Variants in MRPS35 observed in about 807,000 individuals in gnomAD.
The protein encoded by MRPS35 is small ribosomal subunit protein mS35.
MRPS35 carries 29 observed loss-of-function variants against 32.7 expected under a neutral mutation model. That is an observed-to-expected ratio of 0.89 (90% CI 0.66 to 1.21). The LOEUF is 1.21. Among genes scored for constraint, MRPS35 ranks in the 50% most tolerant of loss-of-function variants. The pLI is 0.00. For missense variants in MRPS35, 373 were observed against 383.8 expected (o/e 0.97, Z 0.23); for synonymous variants, 148 against 139.3 (o/e 1.06, Z -0.44).
At chr12:27,749,142 T>C (rs1172468508) in intron 7 of MRPS35, among the ~76,000 whole-genome samples, 1 of 152,192 alleles carries the variant, frequency 6.6e-6, no homozygotes, top group Admixed American at 6.5e-5. Flanking sequence ...TGGATGATTT[T>C]TTTTTTCTTC....
At chr12:27,754,306 C>CTG (rs2062017756) in intron 7 of MRPS35, among the ~76,000 whole-genome samples, 1 of 151,884 alleles carries the variant, frequency 6.6e-6, no homozygotes, top group Non-Finnish European at 1.5e-5. Context: ...TGACTAAAAA[C>CTG]CACGTATTAT....
At chr12:27,733,574 C>T (rs1463196072) in intron 5 of MRPS35, among the ~76,000 whole-genome samples, 1 of 152,280 alleles carries the variant, frequency 6.6e-6, no homozygotes, top group African/African-American at 2.4e-5. Flanking sequence ...ATTTTTCTCT[C>T]CCTGTTCCCT....
At chr12:27,740,003 C>T (rs1301816782) in intron 7 of MRPS35, among the ~76,000 whole-genome samples, 4 of 152,112 alleles carry the variant, frequency 2.6e-5, no homozygotes, top group Non-Finnish European at 4.4e-5. Context: ...TCTATATTAC[C>T]GTTGTTTCTT....
chr12:27,714,673 C>T, intron 1 of MRPS35, 107 bp from the exon 2 acceptor site: 3 of 628,072 alleles, frequency 4.8e-6, no homozygotes, highest in Non-Finnish European at 5.1e-6. Context: ...TGTTATGTTA[C>T]TAAATACCTT....
At chr12:27,717,574 G>A (rs1193749840) in intron 3 of MRPS35, among the ~76,000 whole-genome samples, 1 of 152,210 alleles carries the variant, frequency 6.6e-6, no homozygotes, top group Non-Finnish European at 1.5e-5. Context: ...AAAAGGTGAT[G>A]AGAACAGGGA....
rs762107332 is a variant in MRPS35 at position 27,716,300 on chromosome 12, C to G, written c.163C>G (p.Pro55Ala). ...ERPPRRKALP[P>A]RTEKMAVDQD... ...ATTTTATATTTCTTAGGCACTACCTCCTAGGACAGAGAAAATGGCTGTTGA... is the reference window on the plus strand; with the variant it reads ...ATTTTATATTTCTTAGGCACTACCTGCTAGGACAGAGAAAATGGCTGTTGA... The change falls in exon 3 of 8, where the codon CCT (proline) becomes GCT (alanine). Residue 55 changes from proline to alanine, a missense_variant. Coordinates refer to ENST00000081029, the MANE Select transcript of MRPS35 (RefSeq NM_021821.4). 1.9e-5 allele frequency: 30 copies of G among 1,608,926 alleles called. No homozygotes were observed. The highest frequency in any genetic ancestry group is 2.3e-5 in the Non-Finnish European group (27 of 1,178,302).
At chr12:27,740,286 G>A (rs1232753720) in intron 7 of MRPS35, among the ~76,000 whole-genome samples, 3 of 140,834 alleles carry the variant, frequency 2.1e-5, no homozygotes, top group Non-Finnish European at 4.6e-5. Flanking sequence ...TTTTTTCTTC[G>A]AGTCAGGGTC....
chr12:27,737,648 T>C, intron 7 of MRPS35, 40 bp downstream of exon 7: 1 of 1,492,812 alleles, frequency 6.7e-7, no homozygotes, highest in African/African-American at 1.4e-5. Flanking sequence ...GTCATTGTAA[T>C]TTAGATGATG....
intron 5 of MRPS35, among the ~76,000 whole-genome samples, chr12:27,729,765 T>G (rs1204340221): frequency 6.6e-6 from 1 of 152,128 alleles, no homozygotes; most frequent in Non-Finnish European, 1.5e-5. Flanking sequence ...TTAGGGTCAT[T>G]TGTCCGGATG....
rs188784753 is a variant in MRPS35, at chr12:27,747,914, A to G, written c.703-7267A>G. On this transcript the variant is annotated intron_variant, in intron 7 of 7. Coordinates refer to ENST00000081029, the MANE Select transcript of MRPS35 (RefSeq NM_021821.4). Reference sequence around the variant, plus strand: ...AGAACATGTTGTTCTAACACTAACGAGCAGTGTGGTTTTGGGCAAATTATT... The same window carrying G: ...AGAACATGTTGTTCTAACACTAACGGGCAGTGTGGTTTTGGGCAAATTATT... 2.4e-3 allele frequency among the ~76,000 whole-genome samples: 358 copies of G among 152,284 alleles called. 1 individual carries two copies. The highest frequency in any genetic ancestry group is 7.8e-3 in the African/African-American group (324 of 41,562).
chr12:27,735,386 C>CT (rs2061939182), intron 5 of MRPS35, 61 bp from the exon 6 acceptor site: 6 of 1,293,282 alleles, frequency 4.6e-6, no homozygotes, highest in Middle Eastern at 2.6e-4. Context: ...ACATTGCTAC[C>CT]TTTTTTTCAC....
intron 4 of MRPS35, among the ~76,000 whole-genome samples, chr12:27,720,786 CAT>C (rs1437807219): frequency 1.3e-5 from 2 of 149,082 alleles, no homozygotes; most frequent in African/African-American, 2.6e-5. Flanking sequence ...TAGGTATAAA[CAT>C]AGATTTCATG....
chr12:27,749,049 C>T lies in MRPS35; in HGVS notation c.703-6132C>T, dbSNP rs555090247. On this transcript the variant is annotated intron_variant, in intron 7 of 7. Coordinates refer to ENST00000081029, the MANE Select transcript of MRPS35 (RefSeq NM_021821.4). ...CACAAAATTGTAAATAAAATGTAAT[C>T]ATAGCAGGGTTTTAAAAAACGGATT... Among the ~76,000 whole-genome samples, 96 of 152,252 alleles carry T rather than the reference C, an allele frequency of 6.3e-4. No individual in the cohort carries two copies. The Middle Eastern group carries it at 0.01, about 16-fold the overall frequency.
intron 5 of MRPS35, among the ~76,000 whole-genome samples, chr12:27,732,035 A>G (rs2061924085): frequency 6.6e-6 from 1 of 152,230 alleles, no homozygotes; most frequent in Non-Finnish European, 1.5e-5. Flanking sequence ...ATAAAAGAAA[A>G]AAAAGAATTG....
At chr12:27,716,534 C>G (rs750298660) in intron 3 of MRPS35, 76 bp downstream of exon 3, 4 of 1,471,216 alleles carry the variant, frequency 2.7e-6, no homozygotes, top group Non-Finnish European at 3.8e-6. Flanking sequence ...TTTCTGCTCT[C>G]TTATGCTTCA....
intron 7 of MRPS35, among the ~76,000 whole-genome samples, chr12:27,754,878 T>C (rs1008269598): frequency 3.3e-5 from 5 of 152,070 alleles, no homozygotes; most frequent in Admixed American, 2.6e-4. Context: ...TAAGTACAGA[T>C]TGTAAGGCAG....
chr12:27,713,124 AT>A (rs2140750307), intron 1 of MRPS35, among the ~76,000 whole-genome samples: 1 of 152,320 alleles, frequency 6.6e-6, no homozygotes, highest in African/African-American at 2.4e-5. Context: ...AATTTCAGCC[AT>A]ATTGAATTTG....
intron 2 of MRPS35, among the ~76,000 whole-genome samples, chr12:27,715,914 C>A (rs1309486548): frequency 6.6e-6 from 1 of 152,090 alleles, no homozygotes; most frequent in East Asian, 1.9e-4. Flanking sequence ...GTACTTAACG[C>A]CCCCTCATGT....
intron 2 of MRPS35, among the ~76,000 whole-genome samples, chr12:27,715,047 G>A (rs956208849): frequency 2.6e-5 from 4 of 152,222 alleles, no homozygotes; most frequent in African/African-American, 7.2e-5. Context: ...GGAAACAGGT[G>A]TATAAACCAG....
Sources: allele counts gnomAD v4.1 joint callset (sites outside exome capture counted in the v4.1 genomes callset), GRCh38; gene constraint gnomAD v4.1.1; transcripts MANE v1.5; gene names NCBI Gene and HGNC (gene_info 2026-07-23, HGNC 2026-07-21).